SEC24B: variants seen among roughly 807,000 people sequenced by gnomAD.
The protein encoded by SEC24B is SEC24 homolog B, COPII component.
A neutral mutation model predicts 142.8 loss-of-function variants in SEC24B; 45 were observed. The ratio of observed to expected loss-of-function variants is 0.32; its 90% CI spans 0.25 to 0.40. The LOEUF is 0.40. Among genes scored for constraint, SEC24B ranks in the 10% least tolerant of loss-of-function variants. SEC24B has a pLI of 1.00. For missense variants in SEC24B, 1,409 were observed against 1,526.8 expected (o/e 0.92, Z 1.29); for synonymous variants, 574 against 568.2 (o/e 1.01, Z -0.15).
chr4:109,532,721 C>T lies in SEC24B; in HGVS notation c.3473C>T (p.Ala1158Val). 1 of 1,597,706 alleles carries T rather than the reference C, an allele frequency of 6.3e-7. No individual in the cohort carries two copies. Among genetic ancestry groups the T allele is most frequent in the Non-Finnish European group, 8.6e-7 (1 of 1,165,070 alleles). The part of the protein sequence containing the change: ...LSAEKLTREG[A>V]FLMDCGSVFY... ...GCAGAGAAGCTGACAAGAGAAGGTGCTTTCCTTATGGACTGTGGCTCTGTA... is the reference window on the plus strand; with the variant it reads ...GCAGAGAAGCTGACAAGAGAAGGTGTTTTCCTTATGGACTGTGGCTCTGTA... Residue 1158 changes from alanine to valine, a missense_variant, in exon 21 of 24, where the codon GCT (alanine) becomes GTT (valine). By Grantham distance (64) the Ala-to-Val change is moderately conservative (BLOSUM62 0). This residue lies in a region of SEC24B where 700 missense variants were observed against 853.3 expected (regional missense o/e 0.82). Coordinates refer to ENST00000265175, the MANE Select transcript of SEC24B (RefSeq NM_006323.5).
At chr4:109,504,601 G>A (rs1042318300) in intron 6 of SEC24B, among the ~76,000 whole-genome samples, 4 of 152,022 alleles carry the variant, frequency 2.6e-5, no homozygotes, top group Non-Finnish European at 5.9e-5. Context: ...TATTTATTTA[G>A]TTAGGCCATA....
At chr4:109,516,740 G>T (rs545712335) in intron 11 of SEC24B, 100 bp downstream of exon 11, 3 of 607,474 alleles carry the variant, frequency 4.9e-6, no homozygotes, top group Non-Finnish European at 5.4e-6. Context: ...GGGTTTGGTT[G>T]TATTTATCAA....
intron 5 of SEC24B, among the ~76,000 whole-genome samples, chr4:109,493,432 T>G (rs1164124319): frequency 6.6e-6 from 1 of 152,194 alleles, no homozygotes; most frequent in Non-Finnish European, 1.5e-5. Flanking sequence ...TATGCCAAAT[T>G]GTTAATAATG....
At chr4:109,465,808 CTA>C (rs1398780304) in intron 2 of SEC24B, among the ~76,000 whole-genome samples, 3 of 152,192 alleles carry the variant, frequency 2.0e-5, no homozygotes, top group African/African-American at 7.2e-5. Context: ...AATTACAAAA[CTA>C]TTCTCTGTTT....
intron 10 of SEC24B, among the ~76,000 whole-genome samples, chr4:109,514,935 C>G (rs944481189): frequency 7.9e-5 from 12 of 152,098 alleles, no homozygotes; most frequent in African/African-American, 2.7e-4. Flanking sequence ...TAAACTTTAT[C>G]TTGATCACTT....
At chr4:109,518,720 G>A (rs1395005391) in intron 11 of SEC24B, among the ~76,000 whole-genome samples, 2 of 151,802 alleles carry the variant, frequency 1.3e-5, no homozygotes, top group Non-Finnish European at 2.9e-5. Flanking sequence ...TTCAAAAATA[G>A]CTTTAACAGT....
Position 109,435,685 on chromosome 4 carries a change from T to C in SEC24B, c.133+1683T>C, listed in dbSNP as rs1728344438. On this transcript the variant is annotated intron_variant, in intron 1 of 23. Transcript: ENST00000265175. ...ATGTTTTGATGCCAAATATAGATGA[T>C]GCTTGAGTTCTCTTGTTTATAATCA... is the stretch of plus-strand genomic sequence containing the variant. Among the ~76,000 whole-genome samples, 3 of 152,386 alleles carry C rather than the reference T, an allele frequency of 2.0e-5. No individual in the cohort carries two copies. In the South Asian group the frequency reaches 6.2e-4, roughly 32 times the overall value.
intron 1 of SEC24B, among the ~76,000 whole-genome samples, chr4:109,437,350 C>G (rs535268375): frequency 6.6e-6 from 1 of 152,186 alleles, no homozygotes; most frequent in South Asian, 2.1e-4. Flanking sequence ...GTGACTCCAT[C>G]ATAGCTAACT....
chr4:109,486,874 GA>G (rs1343106609), intron 4 of SEC24B, among the ~76,000 whole-genome samples: 1 of 152,132 alleles, frequency 6.6e-6, no homozygotes, highest in African/African-American at 2.4e-5. Context: ...AGTACAACTT[GA>G]AAAGTGTAAG....
intron 8 of SEC24B, among the ~76,000 whole-genome samples, chr4:109,510,420 A>G (rs1219827502): frequency 6.6e-6 from 1 of 152,210 alleles, no homozygotes; most frequent in Non-Finnish European, 1.5e-5. Flanking sequence ...ATCAAATTCT[A>G]TGAGATACTT....
chr4:109,521,109 C>A lies in SEC24B; in HGVS notation c.2246-8C>A. The A allele has an allele frequency of 6.8e-7, 1 of 1,481,236 alleles. No individual in the cohort carries two copies. 91.8% of individuals were successfully genotyped at this position (1,481,236 alleles called of 1,614,324 possible). A position where few individuals can be genotyped will look rare whatever the true frequency, so the allele number is the denominator to read the frequency against. On this transcript the variant is annotated splice_polypyrimidine_tract_variant and splice_region_variant and intron_variant, in intron 12 of 23. Transcript: ENST00000265175. Reference sequence around the variant, plus strand: ...ATTTGTTGATTAAAATATGTGTTTTCCCTATAGATGTTTTTCTACCTACAC... The same window carrying A: ...ATTTGTTGATTAAAATATGTGTTTTACCTATAGATGTTTTTCTACCTACAC...
intron 20 of SEC24B, 24 bp downstream of exon 20, chr4:109,531,546 A>G: frequency 6.4e-7 from 1 of 1,553,490 alleles, no homozygotes; most frequent in Non-Finnish European, 8.9e-7. Context: ...TGCATTTGAA[A>G]TGTTTAAATT....
chr4:109,436,320 A>G (rs947522530), intron 1 of SEC24B, among the ~76,000 whole-genome samples: 3 of 152,172 alleles, frequency 2.0e-5, no homozygotes, highest in Non-Finnish European at 2.9e-5. Context: ...ATCAGCATGT[A>G]GTAAGCAGTC....
chr4:109,487,842 A>G (rs1734542360), intron 4 of SEC24B, among the ~76,000 whole-genome samples: 1 of 152,146 alleles, frequency 6.6e-6, no homozygotes, highest in East Asian at 1.9e-4. Flanking sequence ...ATTTCAAACT[A>G]TTCAGTAAAC....
chr4:109,509,119 T>A (rs1351528357), intron 7 of SEC24B, among the ~76,000 whole-genome samples: 1 of 152,060 alleles, frequency 6.6e-6, no homozygotes, highest in Non-Finnish European at 1.5e-5. Context: ...TGAGTAGAGA[T>A]CTGGGTGAAG....
chr4:109,489,903 CAAAT>C (rs1734834144), intron 4 of SEC24B, among the ~76,000 whole-genome samples: 1 of 151,642 alleles, frequency 6.6e-6, no homozygotes, highest in Non-Finnish European at 1.5e-5. Context: ...TTAAAATTCA[CAAAT>C]AAAAGGAACA....
chr4:109,508,391 C>CCCTT (rs1736949888), intron 7 of SEC24B, among the ~76,000 whole-genome samples: 1 of 151,858 alleles, frequency 6.6e-6, no homozygotes, highest in South Asian at 2.1e-4. Flanking sequence ...ATGGCGAAAC[C>CCCTT]CCTTCTCCTC....
rs1735370132 is a variant in SEC24B at position 109,494,780 on chromosome 4, A to G, written c.1412A>G (p.Gln471Arg). ...YGYPTLQPGYQNATAPLISGV... is the reference protein window; with the variant it reads ...YGYPTLQPGYRNATAPLISGV... ...TATCCAACACTTCAGCCTGGTTATC[A>G]GAATGCTACAGCACCACTTATTTCT... The change falls in exon 6 of 24, where the codon CAG (glutamine) becomes CGG (arginine). Residue 471 changes from glutamine (Q) to arginine (R), a missense_variant. Gln to Arg is a conservative substitution (Grantham distance 43). This residue lies in a region of SEC24B where 709 missense variants were observed against 673.5 expected (regional missense o/e 1.05). Transcript: ENST00000265175. The G allele has an allele frequency of 1.9e-6, 3 of 1,614,100 alleles. No homozygotes were observed. The African/African-American group carries it at 4.0e-5, about 22-fold the overall frequency.
intron 22 of SEC24B, among the ~76,000 whole-genome samples, chr4:109,538,243 A>T (rs767720839): frequency 2.0e-5 from 3 of 152,230 alleles, no homozygotes; most frequent in Non-Finnish European, 4.4e-5. Context: ...TGTTTTATTG[A>T]CTTACCAAGA....
Sources: allele counts gnomAD v4.1 joint callset (sites outside exome capture counted in the v4.1 genomes callset), GRCh38; gene constraint gnomAD v4.1.1; regional missense constraint gnomAD v4.1.1; transcripts MANE v1.5; gene names NCBI Gene and HGNC (gene_info 2026-07-23, HGNC 2026-07-21).